The following CPAMD8 variants were observed in gnomAD, a reference collection of about 807,000 sequenced individuals.
CPAMD8 encodes the protein C3 and PZP like alpha-2-macroglobulin domain containing 8.
A neutral mutation model predicts 224.7 loss-of-function variants in CPAMD8; 146 were observed. That is an observed-to-expected ratio of 0.65 (90% CI 0.57 to 0.75). CPAMD8 has a LOEUF of 0.75. CPAMD8 is among the 30% of genes least tolerant of loss of function. The pLI is 0.00. For synonymous variants in CPAMD8, 966 were observed against 1,044.6 expected, an observed-to-expected ratio of 0.92 and a Z score of 1.45; for missense variants, 2,301 against 2,537.5, an observed-to-expected ratio of 0.91 and a Z score of 2.00.
chr19:17,004,247 C>A (rs768527192), intron 8 of CPAMD8, 26 bp downstream of exon 8: 2 of 1,498,340 alleles, frequency 1.3e-6, no homozygotes, highest in Admixed American at 3.4e-5. Flanking sequence ...TCTGAAATCC[C>A]AAGACCCTGA....
In CPAMD8 at chr19:16,987,168, AAAAAAAAAAAAATATAT is replaced by A. The variant is rs1306454537; in HGVS notation, c.1395+2458_1395+2474del. ...AGACTCTGTCAAAAAAAAAAAAAAA[AAAAAAAAAAAAATATAT>A]ATATATATATATATATATATATATG... On this transcript the variant is annotated intron_variant, in intron 13 of 41. Transcript: ENST00000443236. Among the ~76,000 whole-genome samples, 9 of 103,546 alleles carry A rather than the reference AAAAAAAAAAAAATATAT, an allele frequency of 8.7e-5. No homozygotes were observed. The East Asian group carries it at 2.5e-3, about 29-fold the overall frequency. 67.9% of individuals were successfully genotyped at this position (103,546 alleles called of 152,430 possible).
chr19:17,009,768 C>T (rs1242717823), intron 5 of CPAMD8, among the ~76,000 whole-genome samples: 3 of 148,702 alleles, frequency 2.0e-5, no homozygotes, highest in Non-Finnish European at 4.4e-5. Context: ...AGCGAGACTC[C>T]GTCTCAAAAA....
At position 16,914,482 on chromosome 19, in the gene CPAMD8, G is replaced by A. The variant is rs706761; in HGVS notation, c.3803C>T (p.Thr1268Ile). Residue 1268 changes from threonine to isoleucine, a missense_variant, in exon 29 of 42, where the codon ACT (threonine) becomes ATT (isoleucine). Physicochemically the swap from Thr to Ile is moderately conservative, Grantham distance 89. Coordinates refer to ENST00000443236, the MANE Select transcript of CPAMD8 (RefSeq NM_015692.5). ...NKDIQGGIHG[T>I]VPLTAYVVVA... is the part of the protein sequence containing the mutation. ...CACCACGTAGGCTGTCAGCGGGACAGTGCCGTGGATCCCACCCTGCAAGGG... is the reference window on the plus strand; with the variant it reads ...CACCACGTAGGCTGTCAGCGGGACAATGCCGTGGATCCCACCCTGCAAGGG... 912,532 of 1,613,072 alleles carry A rather than the reference G, an allele frequency of 0.57. 262,399 individuals carry two copies. The highest frequency in any genetic ancestry group is 0.81 in the African/African-American group (60,425 of 74,968).
chr19:17,012,059 G>A (rs569163769), intron 3 of CPAMD8, among the ~76,000 whole-genome samples: 7 of 151,608 alleles, frequency 4.6e-5, no homozygotes, highest in Non-Finnish European at 1.0e-4. Context: ...TTACTCTGTC[G>A]CCCAGGCTGG....
intron 27 of CPAMD8, among the ~76,000 whole-genome samples, chr19:16,919,404 C>T (rs1306903393): frequency 1.3e-5 from 2 of 148,988 alleles, no homozygotes; most frequent in African/African-American, 5.2e-5. Flanking sequence ...CAACTGAGGC[C>T]TCCTGCCAAC....
chr19:16,964,001 G>A (rs528006180), intron 18 of CPAMD8, among the ~76,000 whole-genome samples: 1 of 152,246 alleles, frequency 6.6e-6, no homozygotes, highest in South Asian at 2.1e-4. Context: ...TGAGAACAAA[G>A]ACACAACACA....
chr19:16,999,925 G>A (rs372964355), intron 10 of CPAMD8, among the ~76,000 whole-genome samples: 3 of 152,168 alleles, frequency 2.0e-5, no homozygotes, highest in East Asian at 1.9e-4. Flanking sequence ...TGATCCGCCC[G>A]CCTTGGCCTC....
intron 22 of CPAMD8, among the ~76,000 whole-genome samples, chr19:16,944,798 T>G (rs2054015607): frequency 6.6e-6 from 1 of 152,184 alleles, no homozygotes; most frequent in African/African-American, 2.4e-5. Flanking sequence ...CCACTTGTGT[T>G]CAGGGCCAGC....
In CPAMD8 at chr19:16,960,722, T is replaced by G. The variant is rs143162386; in HGVS notation, c.2214-2807A>C. On this transcript the variant is annotated intron_variant, in intron 18 of 41. Transcript: ENST00000443236. ...TTCAAGACCAGCCTGGCCAACATGG[T>G]GAAACCCCCTCTCTACTAAAAATAC... Among the ~76,000 whole-genome samples the G allele has an allele frequency of 5.4e-3, 825 of 151,986 alleles. 9 individuals are homozygous for G. The highest frequency in any genetic ancestry group is 0.019 in the African/African-American group (784 of 41,490).
At chr19:16,987,946 G>A (rs1426867157) in intron 13 of CPAMD8, among the ~76,000 whole-genome samples, 1 of 152,108 alleles carries the variant, frequency 6.6e-6, no homozygotes, top group Non-Finnish European at 1.5e-5. Context: ...TTACAGGTGT[G>A]AGCCACCACG....
At chr19:16,896,051 T>C (rs1276440645) in intron 41 of CPAMD8, 125 bp downstream of exon 41, 2 of 1,052,386 alleles carry the variant, frequency 1.9e-6, no homozygotes, top group Non-Finnish European at 2.9e-6. Context: ...TCACTCCCAC[T>C]GCCAGTGGGG....
intron 22 of CPAMD8, among the ~76,000 whole-genome samples, chr19:16,940,305 T>C (rs1169569020): frequency 2.6e-5 from 4 of 152,204 alleles, no homozygotes; most frequent in African/African-American, 9.7e-5. Context: ...ATCCTACAGA[T>C]GTATGTGTGG....
intron 1 of CPAMD8, among the ~76,000 whole-genome samples, chr19:17,023,570 T>TTATA (rs1555793175): frequency 2.6e-5 from 4 of 152,072 alleles, no homozygotes; most frequent in African/African-American, 9.6e-5. Flanking sequence ...CTTTTTTTAT[T>TTATA]TTTATTTATT....
At chr19:16,927,741 A>G (rs967385885) in intron 25 of CPAMD8, among the ~76,000 whole-genome samples, 1 of 152,178 alleles carries the variant, frequency 6.6e-6, no homozygotes, top group Non-Finnish European at 1.5e-5. Flanking sequence ...CATAAGGTTT[A>G]GACTTGGGGG....
intron 41 of CPAMD8, chr19:16,894,870 G>A (rs2051896899): frequency 4.5e-6 from 1 of 221,590 alleles, no homozygotes; most frequent in Admixed American, 4.9e-5. Flanking sequence ...TCATGTCTAT[G>A]AACAGCCATG....
intron 23 of CPAMD8, among the ~76,000 whole-genome samples, chr19:16,934,583 A>G (rs773745240): frequency 6.6e-6 from 1 of 152,152 alleles, no homozygotes; most frequent in Non-Finnish European, 1.5e-5. Flanking sequence ...AGTGCTCAGA[A>G]TGTGTTAAGT....
In CPAMD8 at chr19:17,026,542, G is replaced by C. The variant is rs1305101705; in HGVS notation, c.92+9C>G. On this transcript the variant is annotated intron_variant, in intron 1 of 41. Transcript: ENST00000443236. ...CGACCGACCTCCTCTGTCGCCGGAG[G>C]ATACTCACGGGGCCTGAGGCTGCGC... 6.7e-7 allele frequency: 1 copy of C among 1,503,300 alleles called. No individual in the cohort carries two copies. Among genetic ancestry groups the C allele is most frequent in the East Asian group, 2.8e-5 (1 of 36,226 alleles). 93.1% of individuals were successfully genotyped at this position (1,503,300 alleles called of 1,614,324 possible). A position where few individuals can be genotyped will look rare whatever the true frequency, so the allele number is the denominator to read the frequency against.
At chr19:16,990,544 G>A (rs1259168181) in intron 12 of CPAMD8, among the ~76,000 whole-genome samples, 1 of 152,014 alleles carries the variant, frequency 6.6e-6, no homozygotes, top group African/African-American at 2.4e-5. Flanking sequence ...GGACAACAGA[G>A]CTAGACCGTA....
intron 23 of CPAMD8, among the ~76,000 whole-genome samples, chr19:16,937,187 T>G (rs1415813220): frequency 6.6e-6 from 1 of 151,654 alleles, no homozygotes; most frequent in Non-Finnish European, 1.5e-5. Context: ...CAGGCTGGAG[T>G]GTAGTGGTAC....
Sources: allele counts gnomAD v4.1 joint callset (sites outside exome capture counted in the v4.1 genomes callset), GRCh38; gene constraint gnomAD v4.1.1; transcripts MANE v1.5; gene names NCBI Gene and HGNC (gene_info 2026-07-23, HGNC 2026-07-21).